Variants in ZMYND8 observed in about 807,000 individuals in gnomAD.
ZMYND8 encodes the protein MYND-type zinc finger-containing chromatin reader ZMYND8.
In ZMYND8, 37 loss-of-function variants were observed where a neutral mutation model predicts 140.8. The observed-to-expected ratio is 0.26, with a 90% CI of 0.20 to 0.35. The LOEUF (loss-of-function observed/expected upper bound fraction) is 0.35, where lower values mean the gene tolerates loss of function less well. ZMYND8 is among the 10% of genes least tolerant of loss of function. The pLI is 1.00. For synonymous variants in ZMYND8, 592 were observed against 597.1 expected (o/e 0.99, Z 0.12); for missense variants, 1,068 against 1,570.0 (o/e 0.68, Z 5.40).
Position 47,210,627 on chromosome 20 carries a change from G to T in ZMYND8, c.*134C>A. ...GTAGTGTAGCAGCCCCCGCGCCGGG[G>T]GCTCAGGCTCAACTGAGGGTTTTGT... On this transcript the variant is annotated 3_prime_UTR_variant, in exon 23 of 23. Coordinates refer to ENST00000471951, the MANE Select transcript of ZMYND8 (RefSeq NM_001281775.3). 1 of 1,470,134 alleles carries T rather than the reference G, an allele frequency of 6.8e-7. No homozygotes were observed. Among genetic ancestry groups the T allele is most frequent in the Non-Finnish European group, 9.5e-7 (1 of 1,057,888 alleles). 91.1% of individuals were successfully genotyped at this position (1,470,134 alleles called of 1,614,324 possible).
intron 11 of ZMYND8, among the ~76,000 whole-genome samples, chr20:47,266,914 A>G (rs2075568457): frequency 6.6e-6 from 1 of 152,198 alleles, no homozygotes; most frequent in Admixed American, 6.6e-5. Context: ...GTAAGTACCT[A>G]TCCAAAATTG....
intron 7 of ZMYND8, among the ~76,000 whole-genome samples, chr20:47,288,323 C>A (rs2077045116): frequency 6.6e-6 from 1 of 151,956 alleles, no homozygotes; most frequent in Admixed American, 6.6e-5. Context: ...CTGACCTCAT[C>A]CACTTGTTTA....
chr20:47,350,112 AT>A, intron 1 of ZMYND8: 1 of 1,233,318 alleles, frequency 8.1e-7, no homozygotes, highest in Non-Finnish European at 1.1e-6. Context: ...CTTTCCAAGT[AT>A]TACAAGTGGG....
intron 21 of ZMYND8, 32 bp from the exon 22 acceptor site, chr20:47,212,757 TGTCA>T (rs2035472663): frequency 6.4e-7 from 1 of 1,571,874 alleles, no homozygotes; most frequent in South Asian, 1.2e-5. Context: ...CCTCAGAGTC[TGTCA>T]GAGAGCTGGA....
At chr20:47,274,770 C>T (rs2076157846) in intron 11 of ZMYND8, among the ~76,000 whole-genome samples, 1 of 152,168 alleles carries the variant, frequency 6.6e-6, no homozygotes. Flanking sequence ...GCTCTCTCTA[C>T]CCCTCCTACC....
At chr20:47,321,530 G>A (rs2079951514) in intron 2 of ZMYND8, among the ~76,000 whole-genome samples, 1 of 152,248 alleles carries the variant, frequency 6.6e-6, no homozygotes, top group Non-Finnish European at 1.5e-5. Context: ...AGAAACTTCA[G>A]TGAGCTACCA....
At chr20:47,213,603 G>A (rs1464114229) in intron 21 of ZMYND8, among the ~76,000 whole-genome samples, 2 of 152,214 alleles carry the variant, frequency 1.3e-5, no homozygotes, top group East Asian at 1.9e-4. Flanking sequence ...GGACAGGTGG[G>A]AAGCCTGGCT....
In ZMYND8 at chr20:47,220,307, G is replaced by A. The variant is rs761177246; in HGVS notation, c.3435C>T (p.Gly1145=). Residue 1145 remains glycine, a synonymous_variant, in exon 21 of 23, where the codon GGC becomes GGT. Coordinates refer to ENST00000471951, the MANE Select transcript of ZMYND8 (RefSeq NM_001281775.3). ...GAATGGAGGAGGGCGTCTCTCTGGA[G>A]CCAGAAAGGTCAAGGGTCTAGAAAT... ...KESGSTLDLS[G]SRETPSSILL... 14 of 1,562,230 alleles carry A rather than the reference G, an allele frequency of 9.0e-6. No homozygotes were observed. The highest frequency in any genetic ancestry group is 1.7e-4 in the Middle Eastern group (1 of 6,022).
intron 12 of ZMYND8, among the ~76,000 whole-genome samples, chr20:47,256,300 C>T (rs747165038): frequency 1.3e-5 from 2 of 150,604 alleles, no homozygotes; most frequent in Non-Finnish European, 2.9e-5. Flanking sequence ...GGAAACATAG[C>T]GAGACCCTGT....
chr20:47,269,337 AC>A (rs2075770678), intron 11 of ZMYND8, among the ~76,000 whole-genome samples: 1 of 152,270 alleles, frequency 6.6e-6, no homozygotes, highest in South Asian at 2.1e-4. Context: ...GGTGCACAGA[AC>A]AGCCTCACAA....
At chr20:47,221,594 A>C (rs993379621) in intron 19 of ZMYND8, 120 bp from the exon 20 acceptor site, 36 of 1,268,438 alleles carry the variant, frequency 2.8e-5, no homozygotes, top group Non-Finnish European at 3.5e-5. Flanking sequence ...CCAGGGCATA[A>C]AAGTGGAGGC....
intron 2 of ZMYND8, among the ~76,000 whole-genome samples, chr20:47,340,124 T>C (rs1162678898): frequency 6.6e-6 from 1 of 152,078 alleles, no homozygotes; most frequent in Non-Finnish European, 1.5e-5. Flanking sequence ...CTATTTTTAG[T>C]GGACACTGGG....
At chr20:47,352,743 A>AG (rs1385641639) in intron 1 of ZMYND8, 1 of 160,770 alleles carries the variant, frequency 6.2e-6, no homozygotes, top group East Asian at 1.9e-4. Flanking sequence ...GCCGGCCGGT[A>AG]GGTAAGGTAA....
Position 47,236,199 on chromosome 20 carries a change from A to T in ZMYND8, c.2856+127T>A, listed in dbSNP as rs3746487. 1,454 of 1,081,568 alleles carry T rather than the reference A, an allele frequency of 1.3e-3. 9 individuals are homozygous for T. The African/African-American group carries it at 0.014, about 10-fold the overall frequency. 67.0% of individuals were successfully genotyped at this position (1,081,568 alleles called of 1,614,324 possible). Reference sequence around the variant, plus strand: ...ACGTGGTCTTGGAGATTCTGTTTTTAAAAAAAAGGGTCTTCACTCCCTAAA... The same window carrying T: ...ACGTGGTCTTGGAGATTCTGTTTTTTAAAAAAAGGGTCTTCACTCCCTAAA... On this transcript the variant is annotated intron_variant, in intron 16 of 22. Coordinates refer to ENST00000471951, the MANE Select transcript of ZMYND8 (RefSeq NM_001281775.3).
At chr20:47,334,205 C>A (rs1283206858) in intron 2 of ZMYND8, among the ~76,000 whole-genome samples, 1 of 152,040 alleles carries the variant, frequency 6.6e-6, no homozygotes, top group African/African-American at 2.4e-5. Flanking sequence ...CTGGGAGGTG[C>A]CTGGCACCCC....
chr20:47,226,718 G>C (rs2037762543), intron 18 of ZMYND8, among the ~76,000 whole-genome samples: 1 of 152,222 alleles, frequency 6.6e-6, no homozygotes, highest in African/African-American at 2.4e-5. Flanking sequence ...TTTGTGTAAT[G>C]AAATTAGTTA....
intron 14 of ZMYND8, among the ~76,000 whole-genome samples, chr20:47,239,657 AAGAAAAG>A (rs1302194732): frequency 6.6e-6 from 1 of 152,210 alleles, no homozygotes; most frequent in Non-Finnish European, 1.5e-5. Context: ...GTCACCCAGA[AAGAAAAG>A]TATTCTTTTC....
In ZMYND8 at chr20:47,238,822, TTGCTGCTGCTGC is replaced by T; in HGVS notation, c.2589_2600del (p.Gln864_Gln867del). ...AAGACTGAGGCTGCTGCTGCTGGTT[TTGCTGCTGCTGC>T]TGCTGCTGCTGACGCTGCATCTTCT... On this transcript the variant is annotated inframe_deletion, in exon 15 of 23. Coordinates refer to ENST00000471951, the MANE Select transcript of ZMYND8 (RefSeq NM_001281775.3). 4 of 1,611,654 alleles carry T rather than the reference TTGCTGCTGCTGC, an allele frequency of 2.5e-6. No individual in the cohort carries two copies. Among genetic ancestry groups the T allele is most frequent in the East Asian group, 2.2e-5 (1 of 44,834 alleles).
At chr20:47,280,786 T>C (rs1287056796) in intron 10 of ZMYND8, among the ~76,000 whole-genome samples, 1 of 152,064 alleles carries the variant, frequency 6.6e-6, no homozygotes, top group East Asian at 1.9e-4. Flanking sequence ...AAAAACAAAC[T>C]CCTGCCTACC....
Sources: gnomAD v4.1 joint callset for allele counts (sites outside exome capture counted in the v4.1 genomes callset) on GRCh38, gnomAD v4.1.1 for gene constraint, MANE v1.5 for transcripts, NCBI Gene and HGNC (gene_info 2026-07-23, HGNC 2026-07-21) for gene names.